SH3RF3: variants seen among roughly 807,000 people sequenced by gnomAD.
The protein encoded by SH3RF3 is E3 ubiquitin-protein ligase SH3RF3.
In SH3RF3, 29 loss-of-function variants were observed where a neutral mutation model predicts 66.3. That is an observed-to-expected ratio of 0.44 (90% CI 0.33 to 0.60). The LOEUF is 0.60. Ranked by LOEUF, SH3RF3 falls within the 20% of genes least tolerant of loss-of-function variation. The probability of loss-of-function intolerance (pLI) is 0.04; values close to 1 mark genes in which losing one functional copy is unlikely to be tolerated. For synonymous variants in SH3RF3, 583 were observed against 532.0 expected (o/e 1.10, Z -1.32); for missense variants, 1,194 against 1,190.9 (o/e 1.00, Z -0.04).
chr2:109,161,573 GA>G (rs936392260), intron 1 of SH3RF3, among the ~76,000 whole-genome samples: 7 of 151,324 alleles, frequency 4.6e-5, no homozygotes, highest in South Asian at 2.1e-4. Context: ...AGTTAATAAA[GA>G]AAAAAAAGGT....
intron 8 of SH3RF3, among the ~76,000 whole-genome samples, chr2:109,457,985 G>GA (rs2104670961): frequency 6.6e-6 from 1 of 152,322 alleles, no homozygotes; most frequent in East Asian, 1.9e-4. Flanking sequence ...AGAAAGAACA[G>GA]AGAGTGCTGG....
intron 1 of SH3RF3, among the ~76,000 whole-genome samples, chr2:109,278,016 A>C (rs1410219019): frequency 6.8e-6 from 1 of 147,786 alleles, no homozygotes; most frequent in African/African-American, 2.5e-5. Context: ...CTAACAAAAA[A>C]AAAAAAAAAA....
At chr2:109,345,176 C>T (rs1682656001) in intron 1 of SH3RF3, among the ~76,000 whole-genome samples, 1 of 152,156 alleles carries the variant, frequency 6.6e-6, no homozygotes, top group Non-Finnish European at 1.5e-5. Context: ...GGCTCTGCAC[C>T]CCAGCTTTAC....
intron 9 of SH3RF3, among the ~76,000 whole-genome samples, chr2:109,493,476 CACAT>C (rs1196005209): frequency 4.1e-4 from 62 of 151,750 alleles, no homozygotes; most frequent in African/African-American, 1.4e-3. Context: ...TACATACAAA[CACAT>C]ACCCCACATA....
chr2:109,451,542 T>C (rs147583898), intron 8 of SH3RF3, among the ~76,000 whole-genome samples: 68 of 151,066 alleles, frequency 4.5e-4, no homozygotes, highest in African/African-American at 1.5e-3. Context: ...CATTACGTCC[T>C]GTACGAATCT....
chr2:109,414,849 A>C (rs1312006004), intron 4 of SH3RF3, among the ~76,000 whole-genome samples: 6 of 152,172 alleles, frequency 3.9e-5, no homozygotes, highest in African/African-American at 7.2e-5. Context: ...TTCAGACCTA[A>C]TCTTGTTGGT....
chr2:109,357,098 A>G (rs1476185147), intron 2 of SH3RF3, among the ~76,000 whole-genome samples: 1 of 150,736 alleles, frequency 6.6e-6, no homozygotes, highest in Non-Finnish European at 1.5e-5. Context: ...TATATTTAAT[A>G]CTTATACATA....
Position 109,398,693 on chromosome 2 carries a change from G to A in SH3RF3, c.1049G>A (p.Ser350Asn), listed in dbSNP as rs369969380. 1 of 1,611,352 alleles carries A rather than the reference G, an allele frequency of 6.2e-7. No homozygotes were observed. The highest frequency in any genetic ancestry group is 1.7e-5 in the Admixed American group (1 of 59,786). Reference protein sequence around the residue: ...SLPSDSGAVASVAPSPTLSSS... With the variant: ...SLPSDSGAVANVAPSPTLSSS... ...CCCTCTGACTCCGGCGCTGTGGCCA[G>A]CGTGGCCCCAAGTCCCACTTTAAGC... Residue 350 changes from serine to asparagine, a missense_variant, in exon 4 of 10, where the codon AGC (serine) becomes AAC (asparagine). By Grantham distance (46) the Ser-to-Asn change is conservative. Coordinates refer to ENST00000309415, the MANE Select transcript of SH3RF3 (RefSeq NM_001099289.3).
intron 3 of SH3RF3, among the ~76,000 whole-genome samples, chr2:109,393,559 T>A (rs2104420861): frequency 6.6e-6 from 1 of 152,244 alleles, no homozygotes; most frequent in East Asian, 1.9e-4. Flanking sequence ...TTCCGAATGG[T>A]GCATCCATGA....
intron 2 of SH3RF3, among the ~76,000 whole-genome samples, chr2:109,367,955 T>C (rs985209113): frequency 6.6e-6 from 1 of 152,244 alleles, no homozygotes; most frequent in African/African-American, 2.4e-5. Context: ...TGGCCACCAC[T>C]GTGAGTTGGG....
intron 1 of SH3RF3, among the ~76,000 whole-genome samples, chr2:109,220,654 G>A (rs1679208665): frequency 6.6e-6 from 1 of 152,154 alleles, no homozygotes; most frequent in South Asian, 2.1e-4. Flanking sequence ...TGGCCAGTAA[G>A]CACATGAAAA....
chr2:109,194,336 G>C (rs1246134207), intron 1 of SH3RF3, among the ~76,000 whole-genome samples: 2 of 152,244 alleles, frequency 1.3e-5, no homozygotes, highest in Non-Finnish European at 1.5e-5. Flanking sequence ...GGTGTCCCCA[G>C]CTGTGCCCTG....
At chr2:109,159,945 A>G (rs1312491614) in intron 1 of SH3RF3, among the ~76,000 whole-genome samples, 1 of 152,168 alleles carries the variant, frequency 6.6e-6, no homozygotes, top group Non-Finnish European at 1.5e-5. Flanking sequence ...ATTTAATTCT[A>G]TATTACAATG....
chr2:109,450,336 A>G (rs1677832354), intron 8 of SH3RF3, among the ~76,000 whole-genome samples: 1 of 146,084 alleles, frequency 6.8e-6, no homozygotes, highest in African/African-American at 2.5e-5. Context: ...ACAGAGCAAG[A>G]CTGCATCTCA....
chr2:109,343,789 G>T (rs1682616078), intron 1 of SH3RF3, among the ~76,000 whole-genome samples: 1 of 151,314 alleles, frequency 6.6e-6, no homozygotes, highest in Non-Finnish European at 1.5e-5. Flanking sequence ...CTGTCACCTA[G>T]GCTGGAGTGC....
chr2:109,258,196 A>G (rs1203838141), intron 1 of SH3RF3, among the ~76,000 whole-genome samples: 1 of 152,184 alleles, frequency 6.6e-6, no homozygotes, highest in Admixed American at 6.5e-5. Context: ...ACTTACCTTA[A>G]TAATGCCTAG....
chr2:109,245,704 A>G (rs905945628), intron 1 of SH3RF3, among the ~76,000 whole-genome samples: 3 of 152,212 alleles, frequency 2.0e-5, no homozygotes, highest in African/African-American at 7.2e-5. Context: ...GAAATTGGCC[A>G]CAATAAATAT....
intron 5 of SH3RF3, among the ~76,000 whole-genome samples, chr2:109,420,251 A>G (rs1415281372): frequency 6.6e-6 from 1 of 152,174 alleles, no homozygotes; most frequent in African/African-American, 2.4e-5. Context: ...GAAGAATTAG[A>G]CTCCCTTTTG....
rs139700158 is a variant in SH3RF3, at chr2:109,203,626, G to T, written c.573+73513G>T. 1.7e-3 allele frequency among the ~76,000 whole-genome samples: 266 copies of T among 152,172 alleles called. 1 individual carries two copies. Among genetic ancestry groups the T allele is most frequent in the Non-Finnish European group, 2.8e-3 (188 of 67,984 alleles). ...ACTTTCCCTTTGCACGACAAGCATC[G>T]TGGCCCTGTCTCTGTGCACCCCATG... is the stretch of plus-strand genomic sequence containing the variant. On this transcript the variant is annotated intron_variant, in intron 1 of 9. Coordinates refer to ENST00000309415, the MANE Select transcript of SH3RF3 (RefSeq NM_001099289.3).
Sources: gnomAD v4.1 joint callset for allele counts (sites outside exome capture counted in the v4.1 genomes callset) on GRCh38, gnomAD v4.1.1 for gene constraint, MANE v1.5 for transcripts, NCBI Gene and HGNC (gene_info 2026-07-23, HGNC 2026-07-21) for gene names.